The following CLPB variants were observed in gnomAD, a reference collection of about 807,000 sequenced individuals.
CLPB encodes the protein ClpB family mitochondrial disaggregase, also known as mitochondrial disaggregase.
CLPB carries 40 observed loss-of-function variants against 78.4 expected under a neutral mutation model. That is an observed-to-expected ratio of 0.51 (90% CI 0.40 to 0.66). CLPB has a LOEUF of 0.66. CLPB is among the 30% of genes least tolerant of loss of function. The pLI is 0.00. For synonymous variants in CLPB, 333 were observed against 348.0 expected (o/e 0.96, Z 0.48); for missense variants, 780 against 886.9 (o/e 0.88, Z 1.53).
intron 2 of CLPB, among the ~76,000 whole-genome samples, chr11:72,406,772 T>C (rs1032105917): frequency 5.3e-5 from 8 of 152,206 alleles, no homozygotes; most frequent in Non-Finnish European, 8.8e-5. Context: ...GCCCAGCCTC[T>C]TGCTGGCTAC....
intron 2 of CLPB, chr11:72,408,138 G>C (rs1237970149): frequency 6.5e-7 from 1 of 1,535,402 alleles, no homozygotes; most frequent in East Asian, 2.4e-5. Flanking sequence ...GTGTTCTTCA[G>C]TGAGACTCCA....
chr11:72,318,818 T>G (rs1349014879), intron 6 of CLPB, among the ~76,000 whole-genome samples: 1 of 152,012 alleles, frequency 6.6e-6, no homozygotes, highest in East Asian at 1.9e-4. Context: ...GAATCCAGAG[T>G]GTCACTGTGC....
Position 72,293,499 on chromosome 11 carries a change from T to C in CLPB, c.1902A>G (p.Pro634=), listed in dbSNP as rs776395544. ...TCTCAGCCTGGGGTGAGGGCAGTTC[T>C]GGGCTTTTGAGTAGCTGCTTGTCTG... The part of the protein sequence containing the change: ...EDSDKQLLKS[P]ELPSPQAEKR... The change falls in exon 16 of 16, where the codon CCA becomes CCG. Residue 634 remains proline (P), a synonymous_variant. Transcript: ENST00000538039. The C allele has an allele frequency of 2.5e-6, 4 of 1,614,178 alleles. No individual in the cohort carries two copies. In the South Asian group the frequency reaches 3.3e-5, roughly 13 times the overall value.
At chr11:72,304,901 A>G (rs1417602804) in intron 9 of CLPB, among the ~76,000 whole-genome samples, 1 of 152,186 alleles carries the variant, frequency 6.6e-6, no homozygotes, top group African/African-American at 2.4e-5. Flanking sequence ...TCCCAGGTAC[A>G]CTGGCTACGT....
intron 2 of CLPB, among the ~76,000 whole-genome samples, chr11:72,412,259 G>A (rs1416927688): frequency 2.0e-5 from 3 of 152,202 alleles, no homozygotes; most frequent in African/African-American, 7.2e-5. Context: ...ACCCTTCCGT[G>A]AGGAAGCTCT....
intron 5 of CLPB, among the ~76,000 whole-genome samples, chr11:72,340,845 G>A (rs117175469): frequency 2.7e-3 from 408 of 152,300 alleles, no homozygotes; most frequent in Non-Finnish European, 4.9e-3. Flanking sequence ...TCCCTAACTT[G>A]CAGAGTTATT....
intron 7 of CLPB, among the ~76,000 whole-genome samples, 191 bp downstream of exon 7, chr11:72,316,915 C>G (rs190969522): frequency 6.6e-6 from 1 of 152,310 alleles, no homozygotes; most frequent in East Asian, 1.9e-4. Context: ...GCAGTACCAA[C>G]CTCAGAGGAT....
chr11:72,316,685 T>C (rs1164451266), intron 7 of CLPB, among the ~76,000 whole-genome samples: 1 of 152,214 alleles, frequency 6.6e-6, no homozygotes, highest in East Asian at 1.9e-4. Flanking sequence ...GAGTCCCAAG[T>C]TGACAGATGG....
intron 2 of CLPB, among the ~76,000 whole-genome samples, chr11:72,425,007 C>T (rs1028081134): frequency 2.6e-5 from 4 of 152,168 alleles, no homozygotes; most frequent in South Asian, 2.1e-4. Context: ...ACTCAAGAGG[C>T]GCAGGTTGCA....
chr11:72,412,969 TCACA>T (rs573851181), intron 2 of CLPB, among the ~76,000 whole-genome samples: 3 of 150,434 alleles, frequency 2.0e-5, no homozygotes, highest in African/African-American at 7.3e-5. Context: ...GTTACAAAAA[TCACA>T]CACACACACA....
chr11:72,330,361 G>C (rs1382141065), intron 5 of CLPB, among the ~76,000 whole-genome samples: 1 of 152,238 alleles, frequency 6.6e-6, no homozygotes. Context: ...ATGCCACTCT[G>C]GCTGTTGGTG....
intron 7 of CLPB, among the ~76,000 whole-genome samples, chr11:72,314,858 C>T (rs1053102407): frequency 6.6e-6 from 1 of 152,078 alleles, no homozygotes; most frequent in South Asian, 2.1e-4. Flanking sequence ...GTGGCTGGTG[C>T]ATGCAGCACA....
intron 6 of CLPB, among the ~76,000 whole-genome samples, chr11:72,319,943 A>G (rs1304089575): frequency 6.6e-6 from 1 of 152,222 alleles, no homozygotes; most frequent in Non-Finnish European, 1.5e-5. Flanking sequence ...GATAATAAGA[A>G]GAGTTACCCT....
chr11:72,358,524 G>A (rs546316617), intron 5 of CLPB, among the ~76,000 whole-genome samples: 9 of 152,182 alleles, frequency 5.9e-5, no homozygotes, highest in South Asian at 4.1e-4. Flanking sequence ...TGGAGGTCAC[G>A]GGGGAGAAGA....
At chr11:72,324,745 G>A (rs894197658) in intron 6 of CLPB, among the ~76,000 whole-genome samples, 5 of 152,158 alleles carry the variant, frequency 3.3e-5, no homozygotes, top group Non-Finnish European at 2.9e-5. Flanking sequence ...AATGGGTTGA[G>A]TGAGGCCAAG....
At chr11:72,335,942 A>G (rs1950313237) in intron 5 of CLPB, among the ~76,000 whole-genome samples, 4 of 152,288 alleles carry the variant, frequency 2.6e-5, no homozygotes, top group Middle Eastern at 6.8e-3. Context: ...TGCTGGTCCC[A>G]GAAGCCTCTC....
chr11:72,402,507 T>C (rs1036858400), intron 3 of CLPB, among the ~76,000 whole-genome samples: 16 of 151,976 alleles, frequency 1.1e-4, no homozygotes, highest in Non-Finnish European at 5.9e-5. Context: ...GGCAGGAAAA[T>C]AGCACAGCCT....
chr11:72,295,341 G>C, intron 12 of CLPB, 151 bp downstream of exon 12: 1 of 748,090 alleles, frequency 1.3e-6, no homozygotes, highest in Non-Finnish European at 2.1e-6. Flanking sequence ...CCACTACTTG[G>C]TATGGTGTCT....
At chr11:72,331,546 T>A (rs558983223) in intron 5 of CLPB, among the ~76,000 whole-genome samples, 76 of 145,602 alleles carry the variant, frequency 5.2e-4, no homozygotes, top group African/African-American at 1.9e-3. Context: ...CAGCCACAAG[T>A]CTCTACTTCT....
Sources: gnomAD v4.1 joint callset for allele counts (sites outside exome capture counted in the v4.1 genomes callset) on GRCh38, gnomAD v4.1.1 for gene constraint, MANE v1.5 for transcripts, NCBI Gene and HGNC (gene_info 2026-07-23, HGNC 2026-07-21) for gene names.